Variants in CBY1 observed in about 807,000 individuals in gnomAD.
CBY1 encodes protein chibby homolog 1.
CBY1 carries 10 observed loss-of-function variants against 15.6 expected under a neutral mutation model. The observed-to-expected ratio is 0.64, with a 90% CI of 0.40 to 1.09. The LOEUF (loss-of-function observed/expected upper bound fraction) is 1.09, where lower values mean the gene tolerates loss of function less well. CBY1 is among the 50% of genes least tolerant of loss of function. CBY1 has a pLI of 0.01. For missense variants in CBY1, 150 were observed against 160.5 expected, an observed-to-expected ratio of 0.93 and a Z score of 0.35; for synonymous variants, 61 against 63.5, an observed-to-expected ratio of 0.96 and a Z score of 0.19.
chr22:38,661,223 GA>G (rs2092421444), intron 1 of CBY1, among the ~76,000 whole-genome samples: 1 of 152,266 alleles, frequency 6.6e-6, no homozygotes, highest in African/African-American at 2.4e-5. Flanking sequence ...ACCCAGGCTG[GA>G]GCGCAGTGGT....
chr22:38,670,796 G>T (rs1303341174), intron 2 of CBY1, 88 bp from the exon 3 acceptor site: 19 of 820,374 alleles, frequency 2.3e-5, no homozygotes. Context: ...GAAATGAGTT[G>T]TTGGGGTCAT....
chr22:38,668,431 C>T (rs945281589), intron 2 of CBY1: 42 of 227,468 alleles, frequency 1.8e-4, no homozygotes, highest in Middle Eastern at 1.7e-3. Flanking sequence ...GGTGCAGTGG[C>T]GCGATCTTGA....
At chr22:38,666,270 G>A (rs941990806) in intron 1 of CBY1, among the ~76,000 whole-genome samples, 3 of 146,238 alleles carry the variant, frequency 2.1e-5, no homozygotes, top group South Asian at 2.2e-4. Flanking sequence ...TGGTAGAGAC[G>A]GGCCCTGCTA....
At chr22:38,664,701 G>A (rs2092431261) in intron 1 of CBY1, among the ~76,000 whole-genome samples, 2 of 152,168 alleles carry the variant, frequency 1.3e-5, no homozygotes, top group Non-Finnish European at 2.9e-5. Flanking sequence ...TTGGTACAAT[G>A]ACTTTGGAAA....
chr22:38,658,751 C>T (rs2092413152), intron 1 of CBY1, among the ~76,000 whole-genome samples: 1 of 152,190 alleles, frequency 6.6e-6, no homozygotes, highest in South Asian at 2.1e-4. Flanking sequence ...GCTGGGATGA[C>T]AGGCGTGAGC....
chr22:38,660,402 C>T (rs1462613687), intron 1 of CBY1, among the ~76,000 whole-genome samples: 1 of 151,950 alleles, frequency 6.6e-6, no homozygotes, highest in African/African-American at 2.4e-5. Context: ...ACTGTGTTGG[C>T]CAGGCTGGTC....
At chr22:38,660,810 C>T (rs1038663172) in intron 1 of CBY1, among the ~76,000 whole-genome samples, 5 of 151,020 alleles carry the variant, frequency 3.3e-5, no homozygotes, top group Non-Finnish European at 7.4e-5. Flanking sequence ...CGATCTCCCT[C>T]ACCGCAGCCT....
At chr22:38,673,121 A>T in intron 4 of CBY1, 38 bp from the exon 5 acceptor site, 1 of 1,472,658 alleles carries the variant, frequency 6.8e-7, no homozygotes, top group Non-Finnish European at 9.5e-7. Context: ...ATTTCCTAGA[A>T]ATGTGCTGCT....
chr22:38,660,331 A>G (rs1045688008), intron 1 of CBY1, among the ~76,000 whole-genome samples: 4 of 151,610 alleles, frequency 2.6e-5, no homozygotes, highest in Non-Finnish European at 5.9e-5. Context: ...AGTAGCTGGG[A>G]TTACAGGCTC....
At chr22:38,670,152 C>T (rs939550595) in intron 2 of CBY1, 1 of 152,238 alleles carries the variant, frequency 6.6e-6, no homozygotes, top group Non-Finnish European at 1.5e-5. Context: ...GTTGCTTGAA[C>T]CTGGGAGGCA....
chr22:38,668,227 T>C lies in CBY1; in HGVS notation c.78+95T>C. 3 of 759,158 alleles carry C rather than the reference T, an allele frequency of 4.0e-6. No homozygotes were observed. The Admixed American group carries it at 5.7e-5, about 14-fold the overall frequency. The allele number at this position is 759,158 out of a possible 1,614,324, so 47.0% of individuals were successfully genotyped here. ...AAGTGTGGTCCTCCAGAGGCATCAGTGCAGGAGGGCATCCTTTCCGTCCAT... is the reference window on the plus strand; with the variant it reads ...AAGTGTGGTCCTCCAGAGGCATCAGCGCAGGAGGGCATCCTTTCCGTCCAT... On this transcript the variant is annotated intron_variant, in intron 2 of 4. Transcript: ENST00000216029.
chr22:38,666,977 C>G (rs556863905), intron 1 of CBY1, among the ~76,000 whole-genome samples: 6 of 149,272 alleles, frequency 4.0e-5, no homozygotes, highest in African/African-American at 1.5e-4. Context: ...GCTGGGATTA[C>G]AGATATGAGC....
At chr22:38,659,270 T>G (rs2092414831) in intron 1 of CBY1, among the ~76,000 whole-genome samples, 1 of 151,742 alleles carries the variant, frequency 6.6e-6, no homozygotes, top group Admixed American at 6.6e-5. Context: ...TGTTTTTTGT[T>G]TTTTTTTGAG....
Position 38,671,150 on chromosome 22 carries a change from A to G in CBY1, c.265A>G (p.Asn89Asp). The change falls in exon 4 of 5, where the codon AAT (asparagine) becomes GAT (aspartate). Residue 89 changes from asparagine (N) to aspartate (D), a missense_variant. Asn to Asp is a conservative substitution (Grantham distance 23, BLOSUM62 1). Transcript: ENST00000216029. ...GAACCAGCAGTTGGAGGAAGAGAAC[A>G]ATCTCTTGCGGCTGAAAGTGGACAT... is the stretch of plus-strand genomic sequence containing the variant. ...RRNQQLEEEN[N>D]LLRLKVDILL... 1 of 1,614,082 alleles carries G rather than the reference A, an allele frequency of 6.2e-7. No homozygotes were observed. The highest frequency in any genetic ancestry group is 8.5e-7 in the Non-Finnish European group (1 of 1,179,872).
Position 38,670,520 on chromosome 22 carries a change from T to C in CBY1, c.79-364T>C, listed in dbSNP as rs960854565. 3 of 190,608 alleles carry C rather than the reference T, an allele frequency of 1.6e-5. No individual in the cohort carries two copies. In the South Asian group the frequency reaches 3.3e-4, roughly 21 times the overall value. The allele number at this position is 190,608 out of a possible 1,614,324, so 11.8% of individuals were successfully genotyped here. On this transcript the variant is annotated intron_variant, in intron 2 of 4. Coordinates refer to ENST00000216029, the MANE Select transcript of CBY1 (RefSeq NM_015373.4). ...CTTTTCCACAACATATGTAGCTCCA[T>C]ATTAAGCAAATGATAACTTGGGGGA...
chr22:38,666,709 T>TTA (rs2092437417), intron 1 of CBY1: 4 of 152,116 alleles, frequency 2.6e-5, no homozygotes, highest in Admixed American at 1.3e-4. Flanking sequence ...TTTATTTTTT[T>TTA]AATTTATTTT....
intron 2 of CBY1, 171 bp from the exon 3 acceptor site, chr22:38,670,713 T>A: frequency 1.7e-6 from 1 of 592,700 alleles, no homozygotes; most frequent in East Asian, 2.8e-5. Flanking sequence ...TATCTCACAA[T>A]TAAACTTTTC....
chr22:38,672,618 G>C (rs1223715844), intron 4 of CBY1, among the ~76,000 whole-genome samples: 2 of 151,870 alleles, frequency 1.3e-5, no homozygotes, highest in East Asian at 1.9e-4. Context: ...GCCCGGCCTG[G>C]ATGTTTTTTT....
chr22:38,669,110 C>T (rs980346361), intron 2 of CBY1, among the ~76,000 whole-genome samples: 1 of 152,214 alleles, frequency 6.6e-6, no homozygotes, highest in Non-Finnish European at 1.5e-5. Flanking sequence ...ACATTGTTTT[C>T]CACATGCTGA....
Sources: gnomAD v4.1 joint callset for allele counts (sites outside exome capture counted in the v4.1 genomes callset) on GRCh38, gnomAD v4.1.1 for gene constraint, MANE v1.5 for transcripts, NCBI Gene and HGNC (gene_info 2026-07-23, HGNC 2026-07-21) for gene names.